SUPT3H: variants seen among roughly 807,000 people sequenced by gnomAD.
SUPT3H encodes the protein SPT3 homolog, SAGA and STAGA complex component, also known as transcription initiation protein SPT3 homolog.
A neutral mutation model predicts 44.3 loss-of-function variants in SUPT3H; 44 were observed. That is an observed-to-expected ratio of 0.99 (90% confidence interval 0.78 to 1.28). The LOEUF (loss-of-function observed/expected upper bound fraction) is 1.28, where lower values mean the gene tolerates loss of function less well. Ranked by LOEUF, SUPT3H falls within the 50% of genes most tolerant of loss-of-function variation. The pLI is 0.00. For synonymous variants in SUPT3H, 124 were observed against 125.6 expected (o/e 0.99, Z 0.09); for missense variants, 380 against 387.1 (o/e 0.98, Z 0.15).
Position 45,300,109 on chromosome 6 carries a change from T to C in SUPT3H, c.101+65092A>G, listed in dbSNP as rs555104578. Among the ~76,000 whole-genome samples the C allele has an allele frequency of 8.5e-5, 13 of 152,284 alleles. No individual in the cohort carries two copies. In the East Asian group the frequency reaches 1.9e-3, roughly 23 times the overall value. On this transcript the variant is annotated intron_variant, in intron 2 of 10. Coordinates refer to ENST00000371459, the MANE Select transcript of SUPT3H (RefSeq NM_003599.4). ...TATGTCAAGAATAACATCTCTCAAATGTAAAAAGGGACAACCAAAAGCTTA... is the reference window on the plus strand; with the variant it reads ...TATGTCAAGAATAACATCTCTCAAACGTAAAAAGGGACAACCAAAAGCTTA...
intron 2 of SUPT3H, among the ~76,000 whole-genome samples, chr6:45,230,552 A>T (rs1248931034): frequency 1.0e-5 from 1 of 97,990 alleles, no homozygotes; most frequent in Non-Finnish European, 2.0e-5. Flanking sequence ...TTCTGTTTGC[A>T]TGGACTATCC....
chr6:45,022,415 G>GT (rs3053670), intron 3 of SUPT3H, among the ~76,000 whole-genome samples: 18 of 141,560 alleles, frequency 1.3e-4, no homozygotes, highest in South Asian at 4.4e-4. Context: ...TGGAATCACT[G>GT]TTTTTTTTTT....
At chr6:44,885,117 T>G (rs1219988677) in intron 10 of SUPT3H, among the ~76,000 whole-genome samples, 1 of 152,058 alleles carries the variant, frequency 6.6e-6, no homozygotes, top group Non-Finnish European at 1.5e-5. Flanking sequence ...GCCAGGAAGC[T>G]CGAACTGGGT....
chr6:45,109,374 C>T lies in SUPT3H; in HGVS notation c.102-3368G>A, dbSNP rs539454771. ...TAAAAAAAAAGTGCAAAGTTATCAA[C>T]GCTAAATAATTGGCTTAACCATAAA... On this transcript the variant is annotated intron_variant, in intron 2 of 10. Coordinates refer to ENST00000371459, the MANE Select transcript of SUPT3H (RefSeq NM_003599.4). Among the ~76,000 whole-genome samples the T allele has an allele frequency of 1.4e-4, 21 of 152,050 alleles. 1 individual carries two copies. The South Asian group carries it at 2.3e-3, about 17-fold the overall frequency.
intron 5 of SUPT3H, among the ~76,000 whole-genome samples, chr6:45,012,330 A>AGCT (rs370402057): frequency 1.4e-3 from 206 of 151,512 alleles, no homozygotes; most frequent in African/African-American, 4.8e-3. Context: ...ATTTCTCTGA[A>AGCT]GCTGTTAATT....
chr6:45,228,948 A>C (rs1208724846), intron 2 of SUPT3H, among the ~76,000 whole-genome samples: 1 of 152,148 alleles, frequency 6.6e-6, no homozygotes. Flanking sequence ...CCTAAAAATA[A>C]ATTCTTAATA....
intron 3 of SUPT3H, among the ~76,000 whole-genome samples, chr6:45,066,492 TA>T: frequency 1.4e-5 from 1 of 71,458 alleles, no homozygotes; most frequent in African/African-American, 5.9e-5. Flanking sequence ...AAATAAAGGG[TA>T]TTCAATTAGG....
chr6:45,074,094 C>A (rs1266383154), intron 3 of SUPT3H, among the ~76,000 whole-genome samples: 4 of 151,916 alleles, frequency 2.6e-5, no homozygotes, highest in African/African-American at 9.7e-5. Flanking sequence ...TTTAGTCACA[C>A]AGTCCTTTAT....
chr6:45,269,529 T>A (rs940253778), intron 2 of SUPT3H, among the ~76,000 whole-genome samples: 1 of 152,154 alleles, frequency 6.6e-6, no homozygotes, highest in Non-Finnish European at 1.5e-5. Flanking sequence ...ACAGAATCAT[T>A]TGTAAATCTC....
At chr6:44,934,296 T>C (rs1419501685) in intron 9 of SUPT3H, among the ~76,000 whole-genome samples, 1 of 152,180 alleles carries the variant, frequency 6.6e-6, no homozygotes, top group Non-Finnish European at 1.5e-5. Context: ...ACAGATATAT[T>C]GCACAGGTAC....
chr6:44,809,908 T>C lies in SUPT3H; in HGVS notation c.*53-407A>G, dbSNP rs113185831. ...ACACAGCCATTAAGGGCAGGGAGAA[T>C]TTAGGATCCAAGTTACTCATCAGGC... On this transcript the variant is annotated intron_variant and NMD_transcript_variant, in intron 11 of 11. Coordinates refer to the SUPT3H transcript ENST00000475057. Among the ~76,000 whole-genome samples, 1,364 of 152,196 alleles carry C rather than the reference T, an allele frequency of 9.0e-3. 14 individuals carry two copies. Among genetic ancestry groups the C allele is most frequent in the South Asian group, 0.027 (128 of 4,818 alleles).
At chr6:45,097,035 G>A (rs1284988) in intron 3 of SUPT3H, among the ~76,000 whole-genome samples, 97,486 of 151,954 alleles carry the variant, frequency 0.64, 31,998 homozygotes, top group African/African-American at 0.79. Flanking sequence ...TCAGGCATCA[G>A]TCTTGTGGAA....
chr6:44,980,566 T>G (rs1778965360), intron 6 of SUPT3H, among the ~76,000 whole-genome samples: 1 of 152,162 alleles, frequency 6.6e-6, no homozygotes. Context: ...GTCTAGATGT[T>G]AAAATACCCA....
At chr6:45,101,848 A>T (rs969288915) in intron 3 of SUPT3H, among the ~76,000 whole-genome samples, 72 of 152,154 alleles carry the variant, frequency 4.7e-4, no homozygotes, top group African/African-American at 1.7e-3. Flanking sequence ...TTTATTTTCT[A>T]CTCATATCCC....
At chr6:44,836,584 C>T (rs1449509582) in intron 10 of SUPT3H, among the ~76,000 whole-genome samples, 2 of 152,126 alleles carry the variant, frequency 1.3e-5, no homozygotes, top group African/African-American at 4.8e-5. Context: ...ATTGAAAATA[C>T]TAACATTGGA....
intron 2 of SUPT3H, among the ~76,000 whole-genome samples, chr6:45,197,238 TAATC>T (rs941088824): frequency 5.9e-5 from 9 of 151,588 alleles, no homozygotes; most frequent in Non-Finnish European, 8.9e-5. Flanking sequence ...AATGAACAAA[TAATC>T]AAGTAAATGG....
At chr6:45,012,625 T>C (rs1268143368) in intron 5 of SUPT3H, among the ~76,000 whole-genome samples, 2 of 152,168 alleles carry the variant, frequency 1.3e-5, no homozygotes, top group Non-Finnish European at 2.9e-5. Context: ...CTTTGATGTT[T>C]TTGTCTGCTA....
intron 6 of SUPT3H, among the ~76,000 whole-genome samples, chr6:44,973,810 A>G (rs1777928956): frequency 6.6e-6 from 1 of 152,150 alleles, no homozygotes; most frequent in Non-Finnish European, 1.5e-5. Flanking sequence ...CCTTCTTCAC[A>G]TGGTGGCAGC....
intron 2 of SUPT3H, among the ~76,000 whole-genome samples, chr6:45,252,498 C>T (rs114836964): frequency 0.022 from 3,299 of 152,238 alleles, 68 homozygotes; most frequent in South Asian, 0.085. Context: ...ATAATTCACT[C>T]GTTTCCTATG....
Sources: gnomAD v4.1 joint callset for allele counts (sites outside exome capture counted in the v4.1 genomes callset) on GRCh38, gnomAD v4.1.1 for gene constraint, MANE v1.5 for transcripts, NCBI Gene and HGNC (gene_info 2026-07-23, HGNC 2026-07-21) for gene names.